Variants in TAFA5 observed in about 807,000 individuals in gnomAD.
The protein encoded by TAFA5 is TAFA chemokine like family member 5, also known as chemokine-like protein TAFA-5.
In TAFA5, 6 loss-of-function variants were observed where a neutral mutation model predicts 15.3. The observed-to-expected ratio is 0.39, with a 90% CI of 0.21 to 0.77. The LOEUF is 0.77. Ranked by LOEUF, TAFA5 falls within the 30% of genes least tolerant of loss-of-function variation. The probability of loss-of-function intolerance (pLI) is 0.41; values close to 1 mark genes in which losing one functional copy is unlikely to be tolerated. For missense variants in TAFA5, 161 were observed against 193.1 expected, an observed-to-expected ratio of 0.83 and a Z score of 0.98; for synonymous variants, 103 against 80.7, an observed-to-expected ratio of 1.28 and a Z score of -1.48.
rs183930293 is a variant in TAFA5, at chr22:48,496,960, C to T, written c.112+7256C>T. ...TTTCACCTTCCAGAAAGAGGCTTGG[C>T]GCCCCCTCACCTCCCAGCCACCAGG... On this transcript the variant is annotated intron_variant, in intron 1 of 3. Coordinates refer to ENST00000402357, the MANE Select transcript of TAFA5 (RefSeq NM_001082967.3). Among the ~76,000 whole-genome samples the T allele has an allele frequency of 7.0e-4, 107 of 152,324 alleles. 1 individual carries two copies. In the East Asian group the frequency reaches 0.017, roughly 24 times the overall value.
intron 2 of TAFA5, among the ~76,000 whole-genome samples, chr22:48,666,942 G>A: frequency 6.6e-6 from 1 of 152,144 alleles, no homozygotes; most frequent in East Asian, 1.9e-4. Flanking sequence ...CTGAGGGAGT[G>A]GGCGTCCAGA....
intron 1 of TAFA5, among the ~76,000 whole-genome samples, chr22:48,630,395 A>G (rs915450522): frequency 6.6e-6 from 1 of 152,148 alleles, no homozygotes; most frequent in Non-Finnish European, 1.5e-5. Flanking sequence ...CACAGAGAAA[A>G]GGAGGCTTGC....
At chr22:48,589,949 C>T (rs1183551949) in intron 1 of TAFA5, among the ~76,000 whole-genome samples, 1 of 151,936 alleles carries the variant, frequency 6.6e-6, no homozygotes, top group African/African-American at 2.4e-5. Flanking sequence ...ATATAGCAGG[C>T]CAAGCCGAAG....
chr22:48,610,030 CAG>C (rs1430620853), intron 1 of TAFA5, among the ~76,000 whole-genome samples: 1 of 152,202 alleles, frequency 6.6e-6, no homozygotes, highest in Non-Finnish European at 1.5e-5. Context: ...TTACAGGCCT[CAG>C]GGGTTAGAAT....
chr22:48,510,552 T>C (rs1477185038), intron 1 of TAFA5, among the ~76,000 whole-genome samples: 3 of 152,156 alleles, frequency 2.0e-5, no homozygotes, highest in African/African-American at 4.8e-5. Flanking sequence ...AACTTCAGAT[T>C]TGAGAGAAAA....
At chr22:48,610,934 T>C (rs1403553908) in intron 1 of TAFA5, among the ~76,000 whole-genome samples, 2 of 108,910 alleles carry the variant, frequency 1.8e-5, no homozygotes, top group Non-Finnish European at 4.1e-5. Context: ...TGACCCTTAG[T>C]AATTTTTTTT....
chr22:48,575,842 G>T (rs1202710704), intron 1 of TAFA5, among the ~76,000 whole-genome samples: 2 of 142,518 alleles, frequency 1.4e-5, no homozygotes, highest in Admixed American at 1.4e-4. Context: ...CGCCCGGCGC[G>T]CAGCCCCGGC....
rs531742721 is a variant in TAFA5 at position 48,557,084 on chromosome 22, G to C, written c.112+67380G>C. Among the ~76,000 whole-genome samples the C allele has an allele frequency of 1.2e-4, 19 of 152,326 alleles. No homozygotes were observed. The East Asian group carries it at 3.7e-3, about 29-fold the overall frequency. ...GAGCGGGGAGTGCGCCCAGGTCTGG[G>C]GTTCAGGGCCGGCAGCAGTAACGGC... On this transcript the variant is annotated intron_variant, in intron 1 of 3. Coordinates refer to ENST00000402357, the MANE Select transcript of TAFA5 (RefSeq NM_001082967.3).
In TAFA5 at chr22:48,552,557, C is replaced by G. The variant is rs1362954710; in HGVS notation, c.112+62853C>G. Among the ~76,000 whole-genome samples the G allele has an allele frequency of 6.6e-6, 1 of 152,124 alleles. No homozygotes were observed. Among genetic ancestry groups the G allele is most frequent in the Non-Finnish European group, 1.5e-5 (1 of 68,018 alleles). ...GGAGACTTCACAGCCCGGCGGAACC[C>G]ACGCCCATGCCCAGCTCTGCCTAAA... On this transcript the variant is annotated intron_variant, in intron 1 of 3. Coordinates refer to ENST00000402357, the MANE Select transcript of TAFA5 (RefSeq NM_001082967.3). This position sits in a 1 kb window ranked among gnomAD's most constrained non-coding sequence, Gnocchi z 4.1.
intron 1 of TAFA5, chr22:48,547,503 G>A (rs1249265740): frequency 6.6e-6 from 1 of 152,274 alleles, no homozygotes; most frequent in African/African-American, 2.4e-5. Flanking sequence ...AGATGGGGGA[G>A]ACGGGCACCA....
chr22:48,571,867 T>C (rs749720218), intron 1 of TAFA5, among the ~76,000 whole-genome samples: 7 of 152,094 alleles, frequency 4.6e-5, no homozygotes, highest in Non-Finnish European at 1.0e-4. Context: ...TCCACTCTTA[T>C]AAACATATTT....
At chr22:48,707,621 GC>G (rs1282043491) in intron 2 of TAFA5, 95 bp from the exon 3 acceptor site, 18 of 1,456,536 alleles carry the variant, frequency 1.2e-5, no homozygotes, top group African/African-American at 2.8e-5. Flanking sequence ...TTGCCTGAGG[GC>G]CCCCCCAGCC....
chr22:48,694,098 G>A (rs917381162), intron 2 of TAFA5, among the ~76,000 whole-genome samples: 6 of 152,196 alleles, frequency 3.9e-5, no homozygotes, highest in African/African-American at 9.7e-5. Flanking sequence ...CTTGTAAGCC[G>A]TGTGACCTTG....
intron 1 of TAFA5, among the ~76,000 whole-genome samples, chr22:48,593,049 G>C (rs1601601739): frequency 6.6e-6 from 1 of 152,312 alleles, no homozygotes; most frequent in South Asian, 2.1e-4. Flanking sequence ...CGTCCCTGCA[G>C]CCGTCGGAAC....
At chr22:48,616,705 C>T (rs887521408) in intron 1 of TAFA5, among the ~76,000 whole-genome samples, 2 of 152,004 alleles carry the variant, frequency 1.3e-5, no homozygotes, top group African/African-American at 4.9e-5. Flanking sequence ...CTATCCCACC[C>T]TCTGTCTAGG....
intron 1 of TAFA5, among the ~76,000 whole-genome samples, chr22:48,562,230 C>G (rs913721149): frequency 6.6e-6 from 1 of 152,098 alleles, no homozygotes; most frequent in Non-Finnish European, 1.5e-5. Context: ...CTCTGCCTCC[C>G]GGGTTCACGC....
intron 1 of TAFA5, among the ~76,000 whole-genome samples, chr22:48,590,060 G>A (rs1924507380): frequency 6.6e-6 from 1 of 152,098 alleles, no homozygotes; most frequent in Admixed American, 6.5e-5. Flanking sequence ...AGCGTGGCTG[G>A]CGGATGGGGC....
At chr22:48,589,401 C>T (rs1374774384) in intron 1 of TAFA5, among the ~76,000 whole-genome samples, 3 of 151,522 alleles carry the variant, frequency 2.0e-5, no homozygotes, top group Non-Finnish European at 2.9e-5. Context: ...AAACCAGGGT[C>T]GGTTGGAGGT....
intron 2 of TAFA5, among the ~76,000 whole-genome samples, chr22:48,664,319 C>G (rs552096570): frequency 6.6e-6 from 1 of 152,262 alleles, no homozygotes; most frequent in South Asian, 2.1e-4. Flanking sequence ...GGAAAGTCCC[C>G]CAGACCTTGG....
Sources: gnomAD v4.1 joint callset for allele counts (sites outside exome capture counted in the v4.1 genomes callset) on GRCh38, gnomAD v4.1.1 for gene constraint, Gnocchi (gnomAD v3.1) non-coding constraint, MANE v1.5 for transcripts, NCBI Gene and HGNC (gene_info 2026-07-23, HGNC 2026-07-21) for gene names.